The following PLEKHG4B variants were observed in gnomAD, a reference collection of about 807,000 sequenced individuals.
PLEKHG4B encodes the protein pleckstrin homology and RhoGEF domain containing G4B, also known as pleckstrin homology domain-containing family G member 4B.
A neutral mutation model predicts 121.3 loss-of-function variants in PLEKHG4B; 111 were observed. That is an observed-to-expected ratio of 0.92 (90% CI 0.78 to 1.07). The LOEUF is 1.07. Ranked by LOEUF, PLEKHG4B falls within the 50% of genes least tolerant of loss-of-function variation. PLEKHG4B has a pLI of 0.00. For synonymous variants in PLEKHG4B, 738 were observed against 725.0 expected, an observed-to-expected ratio of 1.02 and a Z score of -0.29; for missense variants, 1,831 against 1,757.8, an observed-to-expected ratio of 1.04 and a Z score of -0.74.
intron 13 of PLEKHG4B, among the ~76,000 whole-genome samples, chr5:164,267 T>G (rs1736157184): frequency 6.6e-6 from 1 of 152,244 alleles, no homozygotes; most frequent in South Asian, 2.1e-4. Flanking sequence ...CTGCTCCACT[T>G]CAGCTCACCA....
intron 18 of PLEKHG4B, among the ~76,000 whole-genome samples, chr5:175,224 C>A (rs549100135): frequency 6.6e-6 from 1 of 152,052 alleles, no homozygotes; most frequent in Non-Finnish European, 1.5e-5. Flanking sequence ...CCTCAGTCTT[C>A]CTGCAGGTGA....
intron 1 of PLEKHG4B, among the ~76,000 whole-genome samples, chr5:104,427 T>A (rs1411986458): frequency 6.6e-6 from 1 of 152,220 alleles, no homozygotes; most frequent in East Asian, 1.9e-4. Flanking sequence ...GTATCCAGCA[T>A]ATAATAAACA....
rs1345207851 is a variant in PLEKHG4B at position 186,555 on chromosome 5, G to A, written c.*4232G>A. ...GCTGAGGGGCCCACAGGGGACGTGG[G>A]AGACAGCCCCGATGCGTCCCCATCC... On this transcript the variant is annotated 3_prime_UTR_variant, in exon 20 of 20. Coordinates refer to ENST00000637938, the MANE Select transcript of PLEKHG4B (RefSeq NM_052909.5). 6.6e-6 allele frequency: 1 copy of A among 152,250 alleles called. No homozygotes were observed. The highest frequency in any genetic ancestry group is 2.4e-5 in the African/African-American group (1 of 41,452). The allele number at this position is 152,250 out of a possible 1,614,324, so 9.4% of individuals were successfully genotyped here. A position where few individuals can be genotyped will look rare whatever the true frequency, so the allele number is the denominator to read the frequency against.
rs766585005 is a variant in PLEKHG4B, at chr5:139,303, G to C, written c.244-180G>C. ...ACCCCTGAACCAAAGAGCAGCCCGTGTTTTCTAGTCCTAATGACCTGCTTT... is the reference window on the plus strand; with the variant it reads ...ACCCCTGAACCAAAGAGCAGCCCGTCTTTTCTAGTCCTAATGACCTGCTTT... On this transcript the variant is annotated intron_variant, in intron 2 of 19. Transcript: ENST00000637938. The surrounding 1 kb of genome is among the most constrained non-coding windows in gnomAD (Gnocchi z 5.0). 5.5e-4 allele frequency among the ~76,000 whole-genome samples: 84 copies of C among 152,340 alleles called. No homozygotes were observed. Among genetic ancestry groups the C allele is most frequent in the Non-Finnish European group, 8.4e-4 (57 of 68,024 alleles).
chr5:150,408 A>G (rs1289276850), intron 6 of PLEKHG4B, among the ~76,000 whole-genome samples: 1 of 152,178 alleles, frequency 6.6e-6, no homozygotes, highest in Non-Finnish European at 1.5e-5. Flanking sequence ...TACAAGATGA[A>G]AAGAGTTATG....
At chr5:101,090 G>A (rs375227105) in intron 1 of PLEKHG4B, among the ~76,000 whole-genome samples, 26 of 97,926 alleles carry the variant, frequency 2.7e-4, no homozygotes, top group Non-Finnish European at 4.0e-4. Flanking sequence ...GAAAAAGTCT[G>A]TAGGGGAGAG....
chr5:101,565 G>A (rs1407884086), intron 1 of PLEKHG4B, among the ~76,000 whole-genome samples: 3 of 131,806 alleles, frequency 2.3e-5, no homozygotes, highest in South Asian at 2.3e-4. Flanking sequence ...GAAAAAGTCT[G>A]TAGGGGAGAG....
chr5:117,665 C>T (rs570283108), intron 2 of PLEKHG4B, among the ~76,000 whole-genome samples: 1 of 152,194 alleles, frequency 6.6e-6, no homozygotes, highest in African/African-American at 2.4e-5. Flanking sequence ...CCAGCCTGGC[C>T]AACATGGCAA....
At chr5:173,825 G>A in intron 17 of PLEKHG4B, 93 bp from the exon 18 acceptor site, 2 of 1,427,658 alleles carry the variant, frequency 1.4e-6, no homozygotes, top group Non-Finnish European at 9.5e-7. Context: ...TGGTGTCTGG[G>A]TGAAGTGACC....
chr5:98,497 C>T (rs1321784828), intron 1 of PLEKHG4B, among the ~76,000 whole-genome samples: 5 of 127,624 alleles, frequency 3.9e-5, no homozygotes, highest in Non-Finnish European at 7.8e-5. Context: ...TGCAGTGGCA[C>T]GATCTTGGCT....
chr5:152,143 C>CT (rs58796563), intron 7 of PLEKHG4B, among the ~76,000 whole-genome samples: 28,545 of 151,480 alleles, frequency 0.19, 3,737 homozygotes, highest in African/African-American at 0.37. Context: ...TAGGCTTGAA[C>CT]GTTAAATTTG....
intron 3 of PLEKHG4B, 24 bp downstream of exon 3, chr5:140,740 CT>C (rs1457501834): frequency 6.6e-7 from 1 of 1,521,838 alleles, no homozygotes; most frequent in East Asian, 2.3e-5. Flanking sequence ...ACGCCCTCCC[CT>C]GCGCACCCCC....
chr5:157,356 G>A lies in PLEKHG4B; in HGVS notation c.2487+445G>A, dbSNP rs1473851369. 6.6e-6 allele frequency among the ~76,000 whole-genome samples: 1 copy of A among 152,208 alleles called. No individual in the cohort carries two copies. The highest frequency in any genetic ancestry group is 6.5e-5 in the Admixed American group (1 of 15,288). ...GATGACCTCAAGAAGTGGCTCTGGA[G>A]GCCAGGGAGAGGCTCAAGGTTTTAA... On this transcript the variant is annotated intron_variant, in intron 11 of 19. Transcript: ENST00000637938. The surrounding 1 kb of genome is among the most constrained non-coding windows in gnomAD (Gnocchi z 4.6).
At chr5:174,337 G>C (rs1169206266) in intron 18 of PLEKHG4B, among the ~76,000 whole-genome samples, 4 of 139,822 alleles carry the variant, frequency 2.9e-5, no homozygotes, top group African/African-American at 1.1e-4. Context: ...CAGCAGGGCC[G>C]GGGTGGGGGC....
intron 1 of PLEKHG4B, among the ~76,000 whole-genome samples, chr5:101,722 C>G (rs1482561404): frequency 5.8e-5 from 8 of 137,716 alleles, no homozygotes; most frequent in Admixed American, 7.0e-5. Context: ...TGGAAAAAGC[C>G]TGTAGGGGAG....
Position 142,431 on chromosome 5 carries a change from C to T in PLEKHG4B, c.1478-616C>T, listed in dbSNP as rs79543844. On this transcript the variant is annotated intron_variant, in intron 3 of 19. Coordinates refer to ENST00000637938, the MANE Select transcript of PLEKHG4B (RefSeq NM_052909.5). The stretch of plus-strand genomic sequence containing the variant: ...TCACATGCCTCACACGATACACGCG[C>T]GCACAGTCACCAGTCACATGCTTCA... Among the ~76,000 whole-genome samples the T allele has an allele frequency of 0.011, 1,647 of 151,384 alleles. 92 individuals carry two copies. In the East Asian group the frequency reaches 0.18, roughly 16 times the overall value.
intron 2 of PLEKHG4B, among the ~76,000 whole-genome samples, chr5:114,544 G>A (rs750200725): frequency 1.4e-4 from 22 of 151,924 alleles, no homozygotes; most frequent in Non-Finnish European, 2.4e-4. Context: ...TGCGACCTCC[G>A]CCACCCAGGT....
Position 171,043 on chromosome 5 carries a change from G to T in PLEKHG4B, c.3730G>T (p.Glu1244Ter). 6.2e-7 allele frequency: 1 copy of T among 1,610,156 alleles called. No individual in the cohort carries two copies. The change falls in exon 15 of 20, where the codon GAA (glutamate) becomes TAA (stop). Residue 1244 changes from glutamate to a stop codon, truncating the protein, a stop_gained and splice_region_variant. Transcript: ENST00000637938. LOFTEE classifies it high-confidence loss of function. Reference sequence around the variant, plus strand: ...CAAGCAGTCGCCTCTGCTTTTCCAGGAAGAGCAGTTTGGGATGTACGTGAT... The same window carrying T: ...CAAGCAGTCGCCTCTGCTTTTCCAGTAAGAGCAGTTTGGGATGTACGTGAT... ...LAVGRSFLRH[E>*]EQFGMYVIYS...
At chr5:119,981 A>G (rs1016332574) in intron 2 of PLEKHG4B, among the ~76,000 whole-genome samples, 36 of 152,224 alleles carry the variant, frequency 2.4e-4, no homozygotes, top group Admixed American at 8.5e-4. Flanking sequence ...CACTGGCATT[A>G]TCACGCCTGT....
Sources: gnomAD v4.1 joint callset for allele counts (sites outside exome capture counted in the v4.1 genomes callset) on GRCh38, gnomAD v4.1.1 for gene constraint, Gnocchi (gnomAD v3.1) non-coding constraint, MANE v1.5 for transcripts, NCBI Gene and HGNC (gene_info 2026-07-23, HGNC 2026-07-21) for gene names.